FMNL2: variants seen among roughly 807,000 people sequenced by gnomAD.
FMNL2 encodes formin like 2, also known as formin-like protein 2.
In FMNL2, 51 loss-of-function variants were observed where a neutral mutation model predicts 130.2. The ratio of observed to expected loss-of-function variants is 0.39; its 90% confidence interval spans 0.31 to 0.49. FMNL2 has a LOEUF of 0.49. Among genes scored for constraint, FMNL2 ranks in the 20% least tolerant of loss-of-function variants. FMNL2 has a pLI of 0.85. For synonymous variants in FMNL2, 465 were observed against 467.1 expected (o/e 1.00, Z 0.06); for missense variants, 977 against 1,316.2 (o/e 0.74, Z 3.99).
At chr2:152,511,906 C>T (rs372001406) in intron 1 of FMNL2, among the ~76,000 whole-genome samples, 39 of 152,242 alleles carry the variant, frequency 2.6e-4, no homozygotes, top group African/African-American at 8.7e-4. Flanking sequence ...TAATATGTTA[C>T]AATTTGAGTT....
chr2:152,555,612 C>T (rs1198536102), intron 4 of FMNL2, among the ~76,000 whole-genome samples: 1 of 152,220 alleles, frequency 6.6e-6, no homozygotes, highest in Non-Finnish European at 1.5e-5. Flanking sequence ...GCACTTACAT[C>T]TCTTCCTTGC....
chr2:152,363,651 T>G (rs1383235834), intron 1 of FMNL2, among the ~76,000 whole-genome samples: 1 of 152,136 alleles, frequency 6.6e-6, no homozygotes, highest in East Asian at 1.9e-4. Context: ...AACTTCCGCT[T>G]CCTGGGTTCA....
At chr2:152,364,680 G>A (rs1560301161) in intron 1 of FMNL2, among the ~76,000 whole-genome samples, 2 of 152,204 alleles carry the variant, frequency 1.3e-5, no homozygotes, top group Non-Finnish European at 2.9e-5. Context: ...CTTGGAATTA[G>A]CCTGTGACTT....
At chr2:152,490,587 G>A (rs1691105463) in intron 1 of FMNL2, among the ~76,000 whole-genome samples, 1 of 150,026 alleles carries the variant, frequency 6.7e-6, no homozygotes, top group South Asian at 2.1e-4. Context: ...GTGTGTGTGT[G>A]TGTGTGTGTG....
intron 15 of FMNL2, among the ~76,000 whole-genome samples, chr2:152,620,217 C>T (rs1473207985): frequency 1.3e-5 from 2 of 151,924 alleles, no homozygotes; most frequent in Non-Finnish European, 2.9e-5. Flanking sequence ...TCTGAGCATT[C>T]GAGAACATCA....
At chr2:152,426,292 C>G (rs1687196637) in intron 1 of FMNL2, among the ~76,000 whole-genome samples, 1 of 152,160 alleles carries the variant, frequency 6.6e-6, no homozygotes, top group African/African-American at 2.4e-5. Flanking sequence ...GTAAGTCAGA[C>G]AGGGTACTTG....
At chr2:152,528,626 C>A (rs916041623) in intron 2 of FMNL2, among the ~76,000 whole-genome samples, 1 of 152,192 alleles carries the variant, frequency 6.6e-6, no homozygotes, top group Admixed American at 6.5e-5. Flanking sequence ...TCCTTAACTT[C>A]ATGGCATCTG....
At chr2:152,627,703 A>G (rs1416219080) in intron 17 of FMNL2, among the ~76,000 whole-genome samples, 2 of 152,224 alleles carry the variant, frequency 1.3e-5, no homozygotes, top group Non-Finnish European at 2.9e-5. Context: ...GACTGTAACA[A>G]ATACTTCATT....
chr2:152,577,582 A>G (rs570068311), intron 7 of FMNL2, among the ~76,000 whole-genome samples: 4 of 152,324 alleles, frequency 2.6e-5, no homozygotes, highest in African/African-American at 9.6e-5. Context: ...CTCTGTTTAA[A>G]TGTCAGAGAG....
intron 9 of FMNL2, among the ~76,000 whole-genome samples, chr2:152,596,309 T>C (rs1442691198): frequency 6.6e-6 from 1 of 152,182 alleles, no homozygotes; most frequent in Non-Finnish European, 1.5e-5. Context: ...CCTTTCTATA[T>C]GAAGACACTA....
intron 1 of FMNL2, among the ~76,000 whole-genome samples, chr2:152,442,722 A>G (rs949019792): frequency 6.6e-6 from 1 of 152,184 alleles, no homozygotes; most frequent in Non-Finnish European, 1.5e-5. Flanking sequence ...TTGACCTTTA[A>G]TGTAGGAACA....
chr2:152,575,038 T>G, intron 6 of FMNL2, 98 bp from the exon 7 acceptor site: 1 of 638,972 alleles, frequency 1.6e-6, no homozygotes, highest in Non-Finnish European at 2.7e-6. Flanking sequence ...CTACAATCCT[T>G]GTTTTGGTAC....
chr2:152,584,325 G>C (rs1475128811), intron 9 of FMNL2, among the ~76,000 whole-genome samples: 2 of 152,154 alleles, frequency 1.3e-5, no homozygotes, highest in East Asian at 3.9e-4. Flanking sequence ...AGGATACCAG[G>C]AAGGAGGACC....
chr2:152,637,356 C>T (rs1682706632), intron 22 of FMNL2, among the ~76,000 whole-genome samples: 2 of 152,068 alleles, frequency 1.3e-5, no homozygotes, highest in South Asian at 4.1e-4. Context: ...CAGATGAATT[C>T]CTGTGCCCCA....
chr2:152,466,937 C>T (rs1191513987), intron 1 of FMNL2, among the ~76,000 whole-genome samples: 1 of 152,140 alleles, frequency 6.6e-6, no homozygotes, highest in Non-Finnish European at 1.5e-5. Context: ...AAGCCTGCAC[C>T]GATTTTGTCC....
chr2:152,506,908 G>A lies in FMNL2; in HGVS notation c.118-15035G>A, dbSNP rs927386243. The stretch of plus-strand genomic sequence containing the variant: ...AATATGTGTGTAGCTATGGGGCACT[G>A]CACAGCTTTCACACGTTGAATTCAG... On this transcript the variant is annotated intron_variant, in intron 1 of 25. Transcript: ENST00000288670. Among the ~76,000 whole-genome samples, 79 of 152,310 alleles carry A rather than the reference G, an allele frequency of 5.2e-4. 1 individual carries two copies. Among genetic ancestry groups the A allele is most frequent in the African/African-American group, 1.7e-3 (70 of 41,572 alleles).
intron 1 of FMNL2, among the ~76,000 whole-genome samples, chr2:152,399,385 CT>C (rs536169361): frequency 3.0e-4 from 46 of 152,318 alleles, no homozygotes; most frequent in African/African-American, 1.1e-3. Context: ...ATGGTCTCTG[CT>C]GTGCCTTTTT....
Position 152,578,875 on chromosome 2 carries a change from A to G in FMNL2, c.706-13A>G, listed in dbSNP as rs1417264658. The G allele has an allele frequency of 1.2e-6, 2 of 1,600,930 alleles. No individual in the cohort carries two copies. The highest frequency in any genetic ancestry group is 2.3e-5 in the South Asian group (2 of 88,666). On this transcript the variant is annotated splice_polypyrimidine_tract_variant and intron_variant, in intron 7 of 25. Transcript: ENST00000288670. Reference sequence around the variant, plus strand: ...ATGCTTTGTGTTTCTTTTTTTTTCCATGTTAATTTTAGTATGGTTTCAACA... The same window carrying G: ...ATGCTTTGTGTTTCTTTTTTTTTCCGTGTTAATTTTAGTATGGTTTCAACA...
In FMNL2 at chr2:152,603,085, C is replaced by G. The variant is rs147564512; in HGVS notation, c.877-4254C>G. On this transcript the variant is annotated intron_variant, in intron 9 of 25. Coordinates refer to ENST00000288670, the MANE Select transcript of FMNL2 (RefSeq NM_052905.4). ...AATGATTGCTAAAGTAATGGAGAAA[C>G]AAATGTGAATCTGGCCTGCATGCTT... Among the ~76,000 whole-genome samples, 952 of 152,258 alleles carry G rather than the reference C, an allele frequency of 6.3e-3. 9 individuals carry two copies. The highest frequency in any genetic ancestry group is 0.022 in the African/African-American group (899 of 41,536).
Sources: gnomAD v4.1 joint callset for allele counts (sites outside exome capture counted in the v4.1 genomes callset) on GRCh38, gnomAD v4.1.1 for gene constraint, MANE v1.5 for transcripts, NCBI Gene and HGNC (gene_info 2026-07-23, HGNC 2026-07-21) for gene names.